The following LRP12 variants were observed in gnomAD, a reference collection of about 807,000 sequenced individuals.
LRP12 encodes the protein low-density lipoprotein receptor-related protein 12.
LRP12 carries 14 observed loss-of-function variants against 66.0 expected under a neutral mutation model. The observed-to-expected ratio is 0.21, with a 90% CI of 0.14 to 0.33. The LOEUF is 0.33. LRP12 is among the 10% of genes least tolerant of loss of function. The pLI is 1.00. For synonymous variants in LRP12, 357 were observed against 359.1 expected, an observed-to-expected ratio of 0.99 and a Z score of 0.07; for missense variants, 889 against 1,053.4, an observed-to-expected ratio of 0.84 and a Z score of 2.16.
chr8:104,561,007 T>A (rs1811899104), intron 1 of LRP12, among the ~76,000 whole-genome samples: 1 of 152,178 alleles, frequency 6.6e-6, no homozygotes, highest in African/African-American at 2.4e-5. Context: ...AAGCCTTTTC[T>A]GTGAAAGGAC....
chr8:104,582,893 T>C (rs1376258860), intron 1 of LRP12, among the ~76,000 whole-genome samples: 1 of 152,170 alleles, frequency 6.6e-6, no homozygotes, highest in Non-Finnish European at 1.5e-5. Flanking sequence ...GTCATATTAC[T>C]TTGAGAAAAT....
chr8:104,490,729 AG>A lies in LRP12; in HGVS notation c.2523del (p.Leu842Ter). 6.2e-7 allele frequency: 1 copy of A among 1,614,046 alleles called. No individual in the cohort carries two copies. Among genetic ancestry groups the A allele is most frequent in the Non-Finnish European group, 8.5e-7 (1 of 1,179,994 alleles). ...GTTTCGTTTTTCAGTGTTACTTCTA[AG>A]CAAGTGTCTGGTATCTGGGCAGTGT... The part of the protein sequence containing the change: ...IVHTAQIPDT[C>X]LEVTLKNETS... On this transcript the variant is annotated frameshift_variant, in exon 7 of 7. Coordinates refer to ENST00000276654, the MANE Select transcript of LRP12 (RefSeq NM_013437.5). LOFTEE classifies it high-confidence loss of function.
chr8:104,490,926 A>G lies in LRP12; in HGVS notation c.2327T>C (p.Leu776Pro). ...GREDDDDVEM[L>P]IPISDGSSDF... is the part of the protein sequence containing the mutation. ...TGAAGATCCATCAGAAATTGGAATT[A>G]GCATTTCAACATCATCATCATCTTC... Residue 776 changes from leucine to proline, a missense_variant, in exon 7 of 7, where the codon CTA becomes CCA. By Grantham distance (98) the Leu-to-Pro change is moderately conservative. Transcript: ENST00000276654. The G allele has an allele frequency of 1.9e-6, 3 of 1,614,142 alleles. No homozygotes were observed. Among genetic ancestry groups the G allele is most frequent in the Non-Finnish European group, 2.5e-6 (3 of 1,180,038 alleles).
chr8:104,500,351 T>A (rs1810806310), intron 3 of LRP12, among the ~76,000 whole-genome samples: 1 of 152,234 alleles, frequency 6.6e-6, no homozygotes, highest in Non-Finnish European at 1.5e-5. Context: ...ATATTCTGAA[T>A]AACTAACAAA....
At chr8:104,579,709 A>G (rs1308015376) in intron 1 of LRP12, among the ~76,000 whole-genome samples, 1 of 152,228 alleles carries the variant, frequency 6.6e-6, no homozygotes, top group Non-Finnish European at 1.5e-5. Flanking sequence ...CCAAAACTGC[A>G]TGGTACTCGT....
Position 104,491,245 on chromosome 8 carries a change from C to T in LRP12, c.2008G>A (p.Gly670Arg). 1.2e-6 allele frequency: 2 copies of T among 1,614,086 alleles called. No individual in the cohort carries two copies. The highest frequency in any genetic ancestry group is 1.7e-6 in the Non-Finnish European group (2 of 1,180,018). The change falls in exon 7 of 7, where the codon GGG (glycine) becomes AGG (arginine). Residue 670 changes from glycine to arginine, a missense_variant. Transcript: ENST00000276654. ...TTTTGAGGCAAAGGAGCTGCAACCCCACCAGATGCTCCTGCCATATCTCTT... is the reference window on the plus strand; with the variant it reads ...TTTTGAGGCAAAGGAGCTGCAACCCTACCAGATGCTCCTGCCATATCTCTT... ...ERRDMAGASG[G>R]VAAPLPQKVP...
intron 1 of LRP12, among the ~76,000 whole-genome samples, chr8:104,536,776 C>G (rs1428476519): frequency 6.6e-6 from 1 of 151,698 alleles, no homozygotes; most frequent in African/African-American, 2.4e-5. Context: ...AAACTGTGTC[C>G]ATGTGCAGAT....
At chr8:104,505,827 T>C (rs995254136) in intron 3 of LRP12, 1 of 152,214 alleles carries the variant, frequency 6.6e-6, no homozygotes, top group Non-Finnish European at 1.5e-5. Context: ...ACACTTTTTT[T>C]CTAACAAAGT....
chr8:104,497,409 G>T lies in LRP12; in HGVS notation c.1143C>A (p.Pro381=), dbSNP rs776347769. Residue 381 remains proline, a synonymous_variant, in exon 5 of 7, where the codon CCC becomes CCA. Transcript: ENST00000276654. The surrounding 1 kb of genome is among the most constrained non-coding windows in gnomAD (Gnocchi z 4.3). ...TATAACACCCCCAGTTACCTCCACA[G>T]GGTATTTCCCATGGCAAACAGAACC... ...VDGFCLPWEI[P]CGGNWGCYTE... 45 of 1,613,916 alleles carry T rather than the reference G, an allele frequency of 2.8e-5. No homozygotes were observed. The highest frequency in any genetic ancestry group is 3.3e-4 in the Middle Eastern group (2 of 6,084).
intron 3 of LRP12, chr8:104,506,631 T>G (rs1810911283): frequency 6.6e-6 from 1 of 152,146 alleles, no homozygotes; most frequent in Admixed American, 6.6e-5. Context: ...CCATATAAAT[T>G]CAGGCTGTGG....
chr8:104,494,650 C>T (rs1208495321), intron 6 of LRP12, among the ~76,000 whole-genome samples: 3 of 152,000 alleles, frequency 2.0e-5, no homozygotes, highest in Non-Finnish European at 4.4e-5. Context: ...CTGTAAAATC[C>T]AGCTTGAAGA....
chr8:104,550,029 C>T (rs1348881581), intron 1 of LRP12, among the ~76,000 whole-genome samples: 2 of 152,182 alleles, frequency 1.3e-5, no homozygotes, highest in East Asian at 3.9e-4. Context: ...TTGATAGATC[C>T]CAAATTTCAA....
At chr8:104,559,529 G>A (rs1250558053) in intron 1 of LRP12, among the ~76,000 whole-genome samples, 1 of 151,872 alleles carries the variant, frequency 6.6e-6, no homozygotes, top group Non-Finnish European at 1.5e-5. Context: ...TGCTTGGGAC[G>A]GGTGCACCAA....
At chr8:104,548,288 C>G (rs182335109) in intron 1 of LRP12, among the ~76,000 whole-genome samples, 49 of 63,632 alleles carry the variant, frequency 7.7e-4, no homozygotes, top group African/African-American at 4.6e-3. Flanking sequence ...ATTAATATAT[C>G]ATATATTTAT....
intron 1 of LRP12, among the ~76,000 whole-genome samples, chr8:104,587,498 A>T (rs1812352349): frequency 6.6e-6 from 1 of 152,170 alleles, no homozygotes; most frequent in African/African-American, 2.4e-5. Context: ...AATGGACCAA[A>T]CTACTCTCCT....
intron 1 of LRP12, among the ~76,000 whole-genome samples, chr8:104,548,207 ATT>A (rs1564141899): frequency 5.3e-4 from 51 of 95,988 alleles, no homozygotes; most frequent in African/African-American, 1.0e-3. Flanking sequence ...TATATGATAT[ATT>A]TATATTAATA....
intron 1 of LRP12, among the ~76,000 whole-genome samples, chr8:104,581,106 A>G (rs186879849): frequency 1.9e-3 from 286 of 152,340 alleles, no homozygotes; most frequent in Non-Finnish European, 2.3e-3. Context: ...TGTAGTCATA[A>G]AAAAGAACAA....
chr8:104,548,243 CGATATATATTATATTAATATAT>C (rs1564141951), intron 1 of LRP12, among the ~76,000 whole-genome samples: 10 of 79,726 alleles, frequency 1.3e-4, no homozygotes, highest in Admixed American at 2.0e-4. Context: ...TATTAATATA[CGATATATATTATATTAATATAT>C]GATATATATT....
At chr8:104,530,255 A>G (rs1811305317) in intron 2 of LRP12, among the ~76,000 whole-genome samples, 1 of 152,126 alleles carries the variant, frequency 6.6e-6, no homozygotes, top group African/African-American at 2.4e-5. Flanking sequence ...CTTGTTACAG[A>G]CTGAATTGTG....
Sources: gnomAD v4.1 joint callset for allele counts (sites outside exome capture counted in the v4.1 genomes callset) on GRCh38, gnomAD v4.1.1 for gene constraint, Gnocchi (gnomAD v3.1) non-coding constraint, MANE v1.5 for transcripts, NCBI Gene and HGNC (gene_info 2026-07-23, HGNC 2026-07-21) for gene names.